The following ANTXR1 variants were observed in gnomAD, a reference collection of about 807,000 sequenced individuals.
ANTXR1 encodes anthrax toxin receptor 1.
ANTXR1 carries 19 observed loss-of-function variants against 78.1 expected under a neutral mutation model. The observed-to-expected ratio is 0.24, with a 90% CI of 0.17 to 0.36. The LOEUF is 0.36. Ranked by LOEUF, ANTXR1 falls within the 10% of genes least tolerant of loss-of-function variation. ANTXR1 has a pLI of 1.00. For missense variants in ANTXR1, 518 were observed against 718.6 expected, an observed-to-expected ratio of 0.72 and a Z score of 3.19; for synonymous variants, 273 against 260.5, an observed-to-expected ratio of 1.05 and a Z score of -0.46.
intron 13 of ANTXR1, among the ~76,000 whole-genome samples, chr2:69,159,005 A>G (rs1018998277): frequency 2.6e-5 from 4 of 152,146 alleles, no homozygotes; most frequent in Non-Finnish European, 5.9e-5. Flanking sequence ...CAAACTAAAA[A>G]CCTAAGTCTT....
chr2:69,245,119 CAG>C, intron 17 of ANTXR1, 104 bp from the exon 18 acceptor site: 1 of 1,343,308 alleles, frequency 7.4e-7, no homozygotes, highest in Non-Finnish European at 1.1e-6. Flanking sequence ...TTGTCACCAA[CAG>C]GGGCCAGCTT....
At chr2:69,155,979 C>G (rs1244690176) in intron 13 of ANTXR1, among the ~76,000 whole-genome samples, 1 of 152,094 alleles carries the variant, frequency 6.6e-6, no homozygotes, top group Non-Finnish European at 1.5e-5. Flanking sequence ...GATAAACACC[C>G]CAATTCCCGA....
chr2:69,085,922 G>A (rs1049803993), intron 8 of ANTXR1, among the ~76,000 whole-genome samples: 2 of 152,098 alleles, frequency 1.3e-5, no homozygotes, highest in East Asian at 1.9e-4. Flanking sequence ...GTAAATGGTC[G>A]GTAGATACTT....
At chr2:69,190,145 G>A (rs1674515230) in intron 16 of ANTXR1, among the ~76,000 whole-genome samples, 1 of 152,182 alleles carries the variant, frequency 6.6e-6, no homozygotes, top group Non-Finnish European at 1.5e-5. Flanking sequence ...GAGGTCGGAG[G>A]GAGCAGGTAG....
intron 8 of ANTXR1, among the ~76,000 whole-genome samples, chr2:69,087,465 TACTC>T (rs2104271428): frequency 6.6e-6 from 1 of 152,292 alleles, no homozygotes; most frequent in Admixed American, 6.5e-5. Context: ...TCCAAGCAAT[TACTC>T]AGGATACTGA....
At chr2:69,071,859 C>A in intron 5 of ANTXR1, 72 bp downstream of exon 5, 1 of 1,354,542 alleles carries the variant, frequency 7.4e-7, no homozygotes, top group Non-Finnish European at 1.1e-6. Flanking sequence ...AAAAGTGCTT[C>A]AGTCATTTCA....
intron 12 of ANTXR1, among the ~76,000 whole-genome samples, chr2:69,132,552 G>A (rs1672782134): frequency 6.6e-6 from 1 of 152,236 alleles, no homozygotes. Flanking sequence ...AGCCTGTGCT[G>A]AGTGGCAATC....
intron 17 of ANTXR1, among the ~76,000 whole-genome samples, chr2:69,242,325 G>T (rs1675914744): frequency 6.6e-6 from 1 of 152,150 alleles, no homozygotes; most frequent in African/African-American, 2.4e-5. Context: ...GGGGACAGAT[G>T]TGAGAGACCA....
rs538872556 is a variant in ANTXR1 at position 69,246,685 on chromosome 2, T to C, written c.*1200T>C. ...CATCAGATCTGCAACACAGAAATGCTCTGCCTGAAATTTCCACCATGCCTA... is the reference window on the plus strand; with the variant it reads ...CATCAGATCTGCAACACAGAAATGCCCTGCCTGAAATTTCCACCATGCCTA... On this transcript the variant is annotated 3_prime_UTR_variant, in exon 18 of 18. Transcript: ENST00000303714. 1 of 152,330 alleles carries C rather than the reference T, an allele frequency of 6.6e-6. No individual in the cohort carries two copies. The highest frequency in any genetic ancestry group is 2.1e-4 in the South Asian group (1 of 4,814). The allele number at this position is 152,330 out of a possible 1,614,324, so 9.4% of individuals were successfully genotyped here. A position where few individuals can be genotyped will look rare whatever the true frequency, so the allele number is the denominator to read the frequency against.
chr2:69,231,312 T>C (rs1233039961), intron 17 of ANTXR1, among the ~76,000 whole-genome samples: 1 of 152,194 alleles, frequency 6.6e-6, no homozygotes, highest in Non-Finnish European at 1.5e-5. Context: ...AGTTATCCCA[T>C]CTTTCTCCTG....
intron 3 of ANTXR1, among the ~76,000 whole-genome samples, chr2:69,069,687 C>T (rs1374523164): frequency 6.6e-6 from 1 of 152,204 alleles, no homozygotes; most frequent in African/African-American, 2.4e-5. Flanking sequence ...CAGTAATACT[C>T]ACTTTCAGTG....
chr2:69,168,497 G>A (rs150356535), intron 13 of ANTXR1, among the ~76,000 whole-genome samples: 39 of 152,250 alleles, frequency 2.6e-4, no homozygotes, highest in African/African-American at 8.9e-4. Flanking sequence ...CCTCTGCTCA[G>A]CACCAAACCT....
chr2:69,056,223 A>C (rs1436337492), intron 3 of ANTXR1, among the ~76,000 whole-genome samples: 1 of 152,152 alleles, frequency 6.6e-6, no homozygotes, highest in Non-Finnish European at 1.5e-5. Flanking sequence ...CAAAACCAAC[A>C]TATTTTTTAT....
Position 69,052,313 on chromosome 2 carries a change from A to G in ANTXR1, c.296+7500A>G, listed in dbSNP as rs188045127. 2.1e-3 allele frequency among the ~76,000 whole-genome samples: 322 copies of G among 152,156 alleles called. 1 individual carries two copies. The highest frequency in any genetic ancestry group is 7.3e-3 in the African/African-American group (304 of 41,542). On this transcript the variant is annotated intron_variant, in intron 3 of 17. Coordinates refer to ENST00000303714, the MANE Select transcript of ANTXR1 (RefSeq NM_032208.3). ...TTTTTAGGTAAGATTTTCCTGAAGA[A>G]TATGTGACTATTAAGACTTATAAGT... is the stretch of plus-strand genomic sequence containing the variant.
chr2:69,088,606 G>A (rs1671129670), intron 8 of ANTXR1, among the ~76,000 whole-genome samples: 1 of 152,150 alleles, frequency 6.6e-6, no homozygotes, highest in South Asian at 2.1e-4. Flanking sequence ...CATCAAACAG[G>A]AAGAGCCCAA....
chr2:69,071,496 C>T (rs1285814098), intron 4 of ANTXR1, among the ~76,000 whole-genome samples: 1 of 152,202 alleles, frequency 6.6e-6, no homozygotes, highest in East Asian at 1.9e-4. Context: ...CCATTATAAC[C>T]TTAGGGGACC....
chr2:69,129,802 T>C, intron 12 of ANTXR1, among the ~76,000 whole-genome samples: 1 of 149,888 alleles, frequency 6.7e-6, no homozygotes, highest in Non-Finnish European at 1.5e-5. Flanking sequence ...ATTGTATGAG[T>C]CAGGTGTAAA....
In ANTXR1 at chr2:69,203,600, G is replaced by A. The variant is rs146017767; in HGVS notation, c.1434+10185G>A. Among the ~76,000 whole-genome samples, 101 of 152,060 alleles carry A rather than the reference G, an allele frequency of 6.6e-4. 1 individual carries two copies. The East Asian group carries it at 0.017, about 26-fold the overall frequency. On this transcript the variant is annotated intron_variant, in intron 17 of 17. Coordinates refer to ENST00000303714, the MANE Select transcript of ANTXR1 (RefSeq NM_032208.3). ...GTAGGAACTGTCTCTGAGTAAATAC[G>A]TATGAAAGCAATTGCTATGGTTGAG...
At chr2:69,062,303 C>G (rs1038400878) in intron 3 of ANTXR1, among the ~76,000 whole-genome samples, 31 of 152,326 alleles carry the variant, frequency 2.0e-4, no homozygotes, top group African/African-American at 7.0e-4. Context: ...GAATTGCCTG[C>G]AGAGTAGAGA....
Sources: gnomAD v4.1 joint callset for allele counts (sites outside exome capture counted in the v4.1 genomes callset) on GRCh38, gnomAD v4.1.1 for gene constraint, MANE v1.5 for transcripts, NCBI Gene and HGNC (gene_info 2026-07-23, HGNC 2026-07-21) for gene names.